The following SPEF2 variants were observed in gnomAD, a reference collection of about 807,000 sequenced individuals.
SPEF2 encodes sperm flagella and cilia-associated protein 2.
In SPEF2, 187 loss-of-function variants were observed where a neutral mutation model predicts 224.6. That is an observed-to-expected ratio of 0.83 (90% CI 0.74 to 0.94). SPEF2 has a LOEUF of 0.94. Among genes scored for constraint, SPEF2 ranks in the 40% least tolerant of loss-of-function variants. SPEF2 has a pLI of 0.00. For synonymous variants in SPEF2, 715 were observed against 707.3 expected (o/e 1.01, Z -0.17); for missense variants, 2,170 against 2,135.6 (o/e 1.02, Z -0.32).
intron 1 of SPEF2, among the ~76,000 whole-genome samples, chr5:35,626,000 A>G (rs1744189084): frequency 6.6e-6 from 1 of 152,204 alleles, no homozygotes; most frequent in South Asian, 2.1e-4. Context: ...GTAGCATCGA[A>G]AGGCATTATG....
At chr5:35,645,211 G>C (rs1747192632) in intron 4 of SPEF2, among the ~76,000 whole-genome samples, 1 of 152,188 alleles carries the variant, frequency 6.6e-6, no homozygotes, top group Admixed American at 6.5e-5. Context: ...GAATTATGTA[G>C]TTCTTCCCAT....
At chr5:35,676,870 A>G (rs1752094866) in intron 10 of SPEF2, among the ~76,000 whole-genome samples, 1 of 152,192 alleles carries the variant, frequency 6.6e-6, no homozygotes, top group Non-Finnish European at 1.5e-5. Flanking sequence ...AGGACTGAGA[A>G]CCATAAACTC....
chr5:35,661,254 TTATATATATATATATATATATATATATA>T (rs550178866), intron 8 of SPEF2, among the ~76,000 whole-genome samples: 11 of 93,996 alleles, frequency 1.2e-4, no homozygotes, highest in South Asian at 3.3e-4. Flanking sequence ...TTGGTATATA[TTATATATATATATATATATATATATATA>T]TATATATATA....
chr5:35,777,782 A>G (rs138706307), intron 29 of SPEF2, among the ~76,000 whole-genome samples: 149 of 152,194 alleles, frequency 9.8e-4, no homozygotes, highest in African/African-American at 3.5e-3. Flanking sequence ...TCCGTTGTTA[A>G]GATTACTCTT....
At chr5:35,715,992 A>G (rs1055029903) in intron 20 of SPEF2, among the ~76,000 whole-genome samples, 1 of 151,878 alleles carries the variant, frequency 6.6e-6, no homozygotes, top group Non-Finnish European at 1.5e-5. Context: ...CATGCATGCA[A>G]TTTACTTCTT....
chr5:35,691,361 T>C lies in SPEF2; in HGVS notation c.1744+105T>C, dbSNP rs547728942. 31 of 879,954 alleles carry C rather than the reference T, an allele frequency of 3.5e-5. 1 individual carries two copies. The South Asian group carries it at 4.8e-4, about 14-fold the overall frequency. 54.5% of individuals were successfully genotyped at this position (879,954 alleles called of 1,614,324 possible). On this transcript the variant is annotated intron_variant, in intron 11 of 36. Coordinates refer to ENST00000356031, the MANE Select transcript of SPEF2 (RefSeq NM_024867.4). Reference sequence around the variant, plus strand: ...AAACATACAAGAAGCACTGCTGATATGTTGGGAAATCTCTGTCATCAAAAG... The same window carrying C: ...AAACATACAAGAAGCACTGCTGATACGTTGGGAAATCTCTGTCATCAAAAG...
Position 35,618,066 on chromosome 5 carries a change from A to C in SPEF2, c.58+11A>C, listed in dbSNP as rs780270151. The C allele has an allele frequency of 2.5e-6, 4 of 1,578,286 alleles. No individual in the cohort carries two copies. In the South Asian group the frequency reaches 3.5e-5, roughly 14 times the overall value. On this transcript the variant is annotated intron_variant, in intron 1 of 36. Coordinates refer to ENST00000356031, the MANE Select transcript of SPEF2 (RefSeq NM_024867.4). ...TGTCCCGGACCGTGAGTGAGTGACC[A>C]CGGCCAGGGGCGAGCGTCTGAGGGG... is the stretch of plus-strand genomic sequence containing the variant.
intron 1 of SPEF2, among the ~76,000 whole-genome samples, chr5:35,620,815 C>A (rs1446519212): frequency 9.9e-5 from 15 of 151,924 alleles, no homozygotes; most frequent in Admixed American, 9.8e-4. Context: ...ATATTTGTAC[C>A]AATTAGGAAA....
At position 35,739,358 on chromosome 5, in the gene SPEF2, T is replaced by A. The variant is rs113113586; in HGVS notation, c.3064-561T>A. The stretch of plus-strand genomic sequence containing the variant: ...CTCAGTGGATGACCTTGCAGACTTG[T>A]TGTATCTGGGTAGGATTTCTGGAAT... On this transcript the variant is annotated intron_variant, in intron 21 of 36. Transcript: ENST00000356031. Among the ~76,000 whole-genome samples, 610 of 152,246 alleles carry A rather than the reference T, an allele frequency of 4.0e-3. 11 individuals are homozygous for A. Among genetic ancestry groups the A allele is most frequent in the African/African-American group, 0.014 (585 of 41,544 alleles).
rs376053149 is a variant in SPEF2, at chr5:35,714,022, GTAT to G, written c.2914+1140_2914+1142del. Among the ~76,000 whole-genome samples the G allele has an allele frequency of 1.3e-3, 10 of 7,472 alleles. 2 individuals carry two copies. Among genetic ancestry groups the G allele is most frequent in the South Asian group, 8.3e-3 (2 of 242 alleles). 4.9% of individuals were successfully genotyped at this position (7,472 alleles called of 152,430 possible). ...ATATATAGTATATATGTTATATATA[GTAT>G]TATATATTTTATATACAGTATATAT... On this transcript the variant is annotated intron_variant, in intron 20 of 36. Transcript: ENST00000356031.
intron 23 of SPEF2, among the ~76,000 whole-genome samples, chr5:35,740,856 A>T (rs1342446853): frequency 6.6e-6 from 1 of 152,134 alleles, no homozygotes; most frequent in Non-Finnish European, 1.5e-5. Context: ...GCCTGATTTC[A>T]TTCTCTTGCC....
chr5:35,675,142 A>G (rs781729652), intron 10 of SPEF2, among the ~76,000 whole-genome samples: 17 of 152,212 alleles, frequency 1.1e-4, no homozygotes, highest in Non-Finnish European at 2.2e-4. Flanking sequence ...CAGAGTAAGC[A>G]CTTGCTTATA....
intron 6 of SPEF2, among the ~76,000 whole-genome samples, chr5:35,653,550 C>T (rs1418633717): frequency 1.3e-5 from 2 of 152,058 alleles, no homozygotes; most frequent in Non-Finnish European, 2.9e-5. Flanking sequence ...CTTGGGTTAT[C>T]AATAGTCTGC....
chr5:35,716,659 A>C (rs1296502506), intron 20 of SPEF2, among the ~76,000 whole-genome samples: 1 of 152,162 alleles, frequency 6.6e-6, no homozygotes, highest in African/African-American at 2.4e-5. Context: ...GAAATATGTG[A>C]ACTCTCAAGA....
chr5:35,780,740 C>T (rs1754227810), intron 30 of SPEF2, among the ~76,000 whole-genome samples: 1 of 151,268 alleles, frequency 6.6e-6, no homozygotes, highest in Non-Finnish European at 1.5e-5. Context: ...GGATTCTAAA[C>T]ATGACATGTG....
At chr5:35,769,830 T>C (rs1752546289) in intron 26 of SPEF2, among the ~76,000 whole-genome samples, 1 of 152,090 alleles carries the variant, frequency 6.6e-6, no homozygotes, top group African/African-American at 2.4e-5. Context: ...CTTATTCATT[T>C]TTCTATTCAC....
In SPEF2 at chr5:35,789,419, T is replaced by G. The variant is rs956533893; in HGVS notation, c.4448-2921T>G. 2.2e-5 allele frequency: 15 copies of G among 690,962 alleles called. No homozygotes were observed. In the Admixed American group the frequency reaches 3.1e-4, roughly 14 times the overall value. The allele number at this position is 690,962 out of a possible 1,614,324, so 42.8% of individuals were successfully genotyped here. A position where few individuals can be genotyped will look rare whatever the true frequency, so the allele number is the denominator to read the frequency against. On this transcript the variant is annotated intron_variant, in intron 30 of 36. Coordinates refer to ENST00000356031, the MANE Select transcript of SPEF2 (RefSeq NM_024867.4). ...CTGAGGTCTGTCAAACTAGACAGTT[T>G]GACTTGCGAAATTATCTGCCAGATG... is the stretch of plus-strand genomic sequence containing the variant.
At chr5:35,727,584 G>T in intron 20 of SPEF2, 91 bp from the exon 21 acceptor site, 1 of 1,095,386 alleles carries the variant, frequency 9.1e-7, no homozygotes, top group South Asian at 1.6e-5. Flanking sequence ...TGAATCACCT[G>T]AAGTCCATGG....
intron 30 of SPEF2, among the ~76,000 whole-genome samples, chr5:35,785,208 C>A (rs865883814): frequency 6.6e-6 from 1 of 152,130 alleles, no homozygotes; most frequent in African/African-American, 2.4e-5. Context: ...ATGGCCCCCA[C>A]CTGCCTTTGC....
Sources: allele counts gnomAD v4.1 joint callset (sites outside exome capture counted in the v4.1 genomes callset), GRCh38; gene constraint gnomAD v4.1.1; transcripts MANE v1.5; gene names NCBI Gene and HGNC (gene_info 2026-07-23, HGNC 2026-07-21).